The following DEPDC5 variants were observed in gnomAD, a reference collection of about 807,000 sequenced individuals.
The protein encoded by DEPDC5 is GATOR1 complex protein DEPDC5.
A neutral mutation model predicts 217.3 loss-of-function variants in DEPDC5; 73 were observed. The observed-to-expected ratio is 0.34, with a 90% CI of 0.28 to 0.41. DEPDC5 has a LOEUF of 0.41. DEPDC5 is among the 10% of genes least tolerant of loss of function. The probability of loss-of-function intolerance (pLI) is 1.00; values close to 1 mark genes in which losing one functional copy is unlikely to be tolerated. For missense variants in DEPDC5, 1,675 were observed against 2,070.1 expected, an observed-to-expected ratio of 0.81 and a Z score of 3.70; for synonymous variants, 733 against 756.7, an observed-to-expected ratio of 0.97 and a Z score of 0.51.
At chr22:31,779,968 C>T (rs1036314456) in intron 8 of DEPDC5, among the ~76,000 whole-genome samples, 1 of 152,104 alleles carries the variant, frequency 6.6e-6, no homozygotes, top group Non-Finnish European at 1.5e-5. Context: ...TCATGATGGC[C>T]AGATTTTAGT....
At chr22:31,842,523 C>T (rs972403993) in intron 27 of DEPDC5, among the ~76,000 whole-genome samples, 4 of 141,676 alleles carry the variant, frequency 2.8e-5, no homozygotes, top group African/African-American at 5.3e-5. Flanking sequence ...TGCAGTGAGC[C>T]GAGATCGGGC....
chr22:31,754,803 A>C, intron 1 of DEPDC5, 59 bp from the exon 2 acceptor site: 1 of 1,162,902 alleles, frequency 8.6e-7, no homozygotes, highest in South Asian at 1.3e-5. Flanking sequence ...CTAAAATCAA[A>C]GAGTGGTTGC....
chr22:31,876,318 G>T, intron 37 of DEPDC5, 53 bp downstream of exon 37: 1 of 1,426,440 alleles, frequency 7.0e-7, no homozygotes, highest in South Asian at 1.2e-5. Context: ...TTTTCCTGGT[G>T]ACTTGCTCTT....
rs138672926 is a variant in DEPDC5, at chr22:31,851,499, G to A, written c.3155+4532G>A. On this transcript the variant is annotated intron_variant, in intron 31 of 42. Coordinates refer to ENST00000651528, the MANE Select transcript of DEPDC5 (RefSeq NM_001242896.3). ...GTGCTTGCCAGCATCCTGGGCCTAC[G>A]TCCATCAGAGCACTTACCAGTATTC... Among the ~76,000 whole-genome samples, 62 of 152,320 alleles carry A rather than the reference G, an allele frequency of 4.1e-4. No homozygotes were observed. In the East Asian group the frequency reaches 9.4e-3, roughly 23 times the overall value.
intron 4 of DEPDC5, among the ~76,000 whole-genome samples, chr22:31,763,105 C>G (rs528740321): frequency 6.6e-6 from 1 of 152,274 alleles, no homozygotes; most frequent in Non-Finnish European, 1.5e-5. Context: ...ATTCTCCTGC[C>G]TCAGCCTCCT....
chr22:31,902,736 A>G (rs991440516), intron 41 of DEPDC5, among the ~76,000 whole-genome samples: 2 of 152,108 alleles, frequency 1.3e-5, no homozygotes, highest in East Asian at 1.9e-4. Context: ...ACCATGAGCA[A>G]TTCTGGAACT....
rs9609375 is a variant in DEPDC5, at chr22:31,845,785, A to G, written c.3021+548A>G. ...TGTGTGTATGTGTGTGTGTGTGTACACAGGTCTGTGAATTTTAACAAATAT... is the reference window on the plus strand; with the variant it reads ...TGTGTGTATGTGTGTGTGTGTGTACGCAGGTCTGTGAATTTTAACAAATAT... On this transcript the variant is annotated intron_variant, in intron 30 of 42. Coordinates refer to ENST00000651528, the MANE Select transcript of DEPDC5 (RefSeq NM_001242896.3). Among the ~76,000 whole-genome samples the G allele has an allele frequency of 5.6e-3, 853 of 152,008 alleles. 5 individuals are homozygous for G. Among genetic ancestry groups the G allele is most frequent in the Non-Finnish European group, 0.01 (710 of 67,972 alleles).
intron 18 of DEPDC5, 31 bp from the exon 19 acceptor site, chr22:31,809,580 G>A: frequency 6.2e-7 from 1 of 1,612,970 alleles, no homozygotes; most frequent in Non-Finnish European, 8.5e-7. Flanking sequence ...AGCGAAGGAA[G>A]GAGTGATTAA....
intron 20 of DEPDC5, among the ~76,000 whole-genome samples, chr22:31,813,128 A>G (rs1215864774): frequency 2.6e-5 from 4 of 152,160 alleles, no homozygotes; most frequent in African/African-American, 4.8e-5. Context: ...GAGTGACCAC[A>G]TGATTGTTTT....
intron 10 of DEPDC5, among the ~76,000 whole-genome samples, chr22:31,785,818 A>T (rs529615525): frequency 4.6e-5 from 7 of 152,334 alleles, no homozygotes; most frequent in African/African-American, 1.7e-4. Flanking sequence ...TTGATTTTAG[A>T]CAAGGGCATC....
chr22:31,874,142 GA>G, intron 35 of DEPDC5, 130 bp from the exon 36 acceptor site: 1 of 1,356,678 alleles, frequency 7.4e-7, no homozygotes, highest in Non-Finnish European at 1.0e-6. Flanking sequence ...CTGAGTCTAG[GA>G]ATAGCATAGG....
At chr22:31,778,701 T>C (rs2084129566) in intron 8 of DEPDC5, among the ~76,000 whole-genome samples, 1 of 152,172 alleles carries the variant, frequency 6.6e-6, no homozygotes, top group East Asian at 1.9e-4. Flanking sequence ...CACTCATACA[T>C]AGCAAAAGTT....
intron 14 of DEPDC5, among the ~76,000 whole-genome samples, chr22:31,798,943 G>C (rs190209729): frequency 6.6e-6 from 1 of 152,152 alleles, no homozygotes; most frequent in African/African-American, 2.4e-5. Flanking sequence ...AGTCATGGGG[G>C]AGAGATGCTC....
At chr22:31,898,528 A>T (rs866569332) in intron 40 of DEPDC5, among the ~76,000 whole-genome samples, 36 of 152,206 alleles carry the variant, frequency 2.4e-4, no homozygotes, top group African/African-American at 8.2e-4. Context: ...ACTGTGAAGG[A>T]AACAACATTT....
chr22:31,770,547 ATTTTTTTT>A (rs34409975), intron 7 of DEPDC5, among the ~76,000 whole-genome samples: 1 of 133,464 alleles, frequency 7.5e-6, no homozygotes, highest in African/African-American at 2.8e-5. Context: ...CACGTAGCTA[ATTTTTTTT>A]TTTTTTTTTT....
intron 22 of DEPDC5, 139 bp from the exon 23 acceptor site, chr22:31,821,363 G>C: frequency 1.7e-6 from 2 of 1,170,176 alleles, no homozygotes; most frequent in Non-Finnish European, 2.4e-6. Flanking sequence ...TCCTTTGGGA[G>C]CCACCCTCTG....
intron 32 of DEPDC5, among the ~76,000 whole-genome samples, chr22:31,861,149 T>A (rs1054353729): frequency 1.1e-4 from 17 of 151,478 alleles, no homozygotes; most frequent in African/African-American, 4.1e-4. Flanking sequence ...GGATATTGTC[T>A]TTCTGGGTGG....
chr22:31,777,178 TC>T (rs1468475032), intron 7 of DEPDC5, among the ~76,000 whole-genome samples: 3 of 151,480 alleles, frequency 2.0e-5, no homozygotes, highest in African/African-American at 7.3e-5. Context: ...CAGGGTGGTC[TC>T]GAACTCCTGA....
chr22:31,906,197 C>G lies in DEPDC5; in HGVS notation c.4520-8C>G, dbSNP rs1428315988. On this transcript the variant is annotated splice_polypyrimidine_tract_variant and splice_region_variant and intron_variant, in intron 42 of 42. Transcript: ENST00000651528. The surrounding 1 kb of genome is among the most constrained non-coding windows in gnomAD (Gnocchi z 5.1). ...GGCTGCCACACAGGCGCTCCCCTTT[C>G]TCTTCAGGAACAGTGTTTCTGCAGC... 3 of 1,613,286 alleles carry G rather than the reference C, an allele frequency of 1.9e-6. No individual in the cohort carries two copies. The highest frequency in any genetic ancestry group is 2.2e-5 in the South Asian group (2 of 91,074).
Sources: gnomAD v4.1 joint callset for allele counts (sites outside exome capture counted in the v4.1 genomes callset) on GRCh38, gnomAD v4.1.1 for gene constraint, Gnocchi (gnomAD v3.1) non-coding constraint, MANE v1.5 for transcripts, NCBI Gene and HGNC (gene_info 2026-07-23, HGNC 2026-07-21) for gene names.